GRAMD4: variants seen among roughly 807,000 people sequenced by gnomAD.
GRAMD4 encodes GRAM domain-containing protein 4.
GRAMD4 carries 25 observed loss-of-function variants against 83.9 expected under a neutral mutation model. That is an observed-to-expected ratio of 0.30 (90% CI 0.22 to 0.42). The LOEUF (loss-of-function observed/expected upper bound fraction) is 0.42, where lower values mean the gene tolerates loss of function less well. Among genes scored for constraint, GRAMD4 ranks in the 10% least tolerant of loss-of-function variants. The pLI is 1.00. For synonymous variants in GRAMD4, 336 were observed against 320.9 expected (o/e 1.05, Z -0.50); for missense variants, 593 against 788.7 (o/e 0.75, Z 2.97).
At chr22:46,579,480 C>T (rs2081076828) in intron 1 of GRAMD4, among the ~76,000 whole-genome samples, 1 of 152,206 alleles carries the variant, frequency 6.6e-6, no homozygotes, top group African/African-American at 2.4e-5. Context: ...CCAGGGAGGG[C>T]TGCCAGCCTG....
chr22:46,658,134 T>G (rs1569295115), intron 3 of GRAMD4, 53 bp from the exon 4 acceptor site: 1 of 1,609,262 alleles, frequency 6.2e-7, no homozygotes, highest in South Asian at 1.1e-5. Context: ...CATCCCAGAG[T>G]CGGGGTCGCG....
chr22:46,676,967 G>C (rs1033075785), intron 18 of GRAMD4, among the ~76,000 whole-genome samples, 180 bp from the exon 19 acceptor site: 6 of 152,244 alleles, frequency 3.9e-5, no homozygotes, highest in Non-Finnish European at 8.8e-5. Flanking sequence ...TCTGCCTCTT[G>C]GCTCTGTTCC....
At position 46,659,932 on chromosome 22, in the gene GRAMD4, G is replaced by A. The variant is rs1033803004; in HGVS notation, c.405-1449G>A. 1.3e-5 allele frequency among the ~76,000 whole-genome samples: 2 copies of A among 152,218 alleles called. No individual in the cohort carries two copies. Among genetic ancestry groups the A allele is most frequent in the East Asian group, 1.9e-4 (1 of 5,194 alleles). On this transcript the variant is annotated intron_variant, in intron 4 of 18. Coordinates refer to ENST00000406902, the MANE Select transcript of GRAMD4 (RefSeq NM_015124.5). The surrounding 1 kb of genome is among the most constrained non-coding windows in gnomAD (Gnocchi z 4.1). ...TTGCAACAGAGACCTGACCTGCCAC[G>A]CTGGGAGATCCCAGGGACAGGTGCG...
At chr22:46,644,697 G>GTTTTTTT (rs71192437) in intron 3 of GRAMD4, among the ~76,000 whole-genome samples, 2 of 97,368 alleles carry the variant, frequency 2.1e-5, no homozygotes, top group African/African-American at 8.0e-5. Flanking sequence ...CTTGTTCCCT[G>GTTTTTTT]TTTTTTTTTT....
At chr22:46,617,087 C>T (rs1329028254), upstream of GRAMD4, among the ~76,000 whole-genome samples, 1 of 124,556 alleles carries the variant, frequency 8.0e-6, no homozygotes, top group Non-Finnish European at 1.7e-5. Context: ...CGTGTGGGTT[C>T]CCCCATGTGT....
chr22:46,629,470 GAC>G (rs771919350), intron 2 of GRAMD4, among the ~76,000 whole-genome samples: 51 of 152,254 alleles, frequency 3.3e-4, no homozygotes, highest in Middle Eastern at 3.4e-3. Flanking sequence ...GTAGCACGTT[GAC>G]ACTGCTCCGG....
At chr22:46,646,575 A>G (rs914742269) in intron 3 of GRAMD4, among the ~76,000 whole-genome samples, 1 of 152,228 alleles carries the variant, frequency 6.6e-6, no homozygotes, top group African/African-American at 2.4e-5. Flanking sequence ...GGGAGCTGCC[A>G]GCTCCCTGCT....
chr22:46,633,459 C>T (rs972296397), intron 2 of GRAMD4, among the ~76,000 whole-genome samples: 26 of 152,232 alleles, frequency 1.7e-4, no homozygotes, highest in Non-Finnish European at 3.7e-4. Flanking sequence ...TTCCAGGTAG[C>T]CTTTGCTCAT....
intron 1 of GRAMD4, among the ~76,000 whole-genome samples, chr22:46,604,459 A>G (rs2081345959): frequency 6.6e-6 from 1 of 152,174 alleles, no homozygotes; most frequent in African/African-American, 2.4e-5. Context: ...GTTAAAGCAC[A>G]TTCACACTGT....
At chr22:46,668,417 G>A (rs73471117) in intron 11 of GRAMD4, among the ~76,000 whole-genome samples, 2,384 of 152,240 alleles carry the variant, frequency 0.016, 71 homozygotes, top group African/African-American at 0.055. Flanking sequence ...CGGACGGTGC[G>A]CGAGGGTGGA....
chr22:46,658,114 C>G (rs2082271004), intron 3 of GRAMD4, 73 bp from the exon 4 acceptor site: 1 of 1,593,362 alleles, frequency 6.3e-7, no homozygotes. Context: ...GTCAGGCACC[C>G]CTGCCCCAGC....
intron 6 of GRAMD4, 83 bp downstream of exon 6, chr22:46,663,255 T>G: frequency 7.5e-7 from 1 of 1,325,776 alleles, no homozygotes; most frequent in Non-Finnish European, 1.1e-6. Context: ...GGCCATCCTT[T>G]ATCACCGTGG....
chr22:46,589,508 C>T (rs1406269492), intron 1 of GRAMD4, among the ~76,000 whole-genome samples: 2 of 151,448 alleles, frequency 1.3e-5, no homozygotes, highest in African/African-American at 2.4e-5. Flanking sequence ...GTGGGTGGCC[C>T]TATTATCTGA....
chr22:46,652,543 C>T (rs1242218693), intron 3 of GRAMD4, among the ~76,000 whole-genome samples: 3 of 152,226 alleles, frequency 2.0e-5, no homozygotes, highest in South Asian at 4.1e-4. Flanking sequence ...CCGTGGCCTG[C>T]CCTGTGTGTG....
At chr22:46,643,096 CA>C (rs2082000340) in intron 3 of GRAMD4, among the ~76,000 whole-genome samples, 1 of 141,098 alleles carries the variant, frequency 7.1e-6, no homozygotes, top group Admixed American at 7.3e-5. Flanking sequence ...TCCATCCATC[CA>C]TCCATCCATC....
Position 46,626,795 on chromosome 22 carries a change from T to G in GRAMD4, c.-5T>G, listed in dbSNP as rs375181598. On this transcript the variant is annotated 5_prime_UTR_variant, in exon 2 of 19. Coordinates refer to ENST00000406902, the MANE Select transcript of GRAMD4 (RefSeq NM_015124.5). ...AGGGTGAAGCAGAGGACCTCAGTGCTGAACATGCTAAGGAGGTTGGACAAA... is the reference window on the plus strand; with the variant it reads ...AGGGTGAAGCAGAGGACCTCAGTGCGGAACATGCTAAGGAGGTTGGACAAA... The G allele has an allele frequency of 1.2e-6, 2 of 1,613,682 alleles. No individual in the cohort carries two copies. Among genetic ancestry groups the G allele is most frequent in the South Asian group, 2.2e-5 (2 of 91,084 alleles).
chr22:46,626,923 C>G lies in GRAMD4; in HGVS notation c.124C>G (p.Arg42Gly). Residue 42 changes from arginine (R) to glycine (G), a missense_variant, in exon 2 of 19, where the codon CGG (arginine) becomes GGG (glycine). By Grantham distance (125) the Arg-to-Gly change is moderately radical. Coordinates refer to ENST00000406902, the MANE Select transcript of GRAMD4 (RefSeq NM_015124.5). Reference protein sequence around the residue: ...CSDEIPLKVPRTSPRDSEELR... With the variant: ...CSDEIPLKVPGTSPRDSEELR... ...CGACGAAATCCCCCTGAAGGTACCG[C>G]GGACCTCGCCCCGGGACAGCGAGGA... 2 of 1,614,114 alleles carry G rather than the reference C, an allele frequency of 1.2e-6. No homozygotes were observed.
chr22:46,604,204 C>T (rs767672990), intron 1 of GRAMD4, among the ~76,000 whole-genome samples: 4 of 152,178 alleles, frequency 2.6e-5, no homozygotes, highest in Non-Finnish European at 5.9e-5. Context: ...GGCCTCCCCC[C>T]GTCAGTCCGG....
chr22:46,617,747 G>A (rs2081523459), upstream of GRAMD4, among the ~76,000 whole-genome samples: 1 of 152,148 alleles, frequency 6.6e-6, no homozygotes, highest in Non-Finnish European at 1.5e-5. Flanking sequence ...ACCCCAGGGT[G>A]TGCTTAGCCC....
Sources: gnomAD v4.1 joint callset for allele counts (sites outside exome capture counted in the v4.1 genomes callset) on GRCh38, gnomAD v4.1.1 for gene constraint, Gnocchi (gnomAD v3.1) non-coding constraint, MANE v1.5 for transcripts, NCBI Gene and HGNC (gene_info 2026-07-23, HGNC 2026-07-21) for gene names.